Variants in TNFSF8 observed in about 807,000 individuals in gnomAD.
TNFSF8 encodes TNF superfamily member 8, also known as tumor necrosis factor ligand superfamily member 8.
Under a neutral mutation model 22.0 loss-of-function variants are expected in TNFSF8, and 4 were observed. The observed-to-expected ratio is 0.18, with a 90% CI of 0.09 to 0.42. TNFSF8 has a LOEUF of 0.42. TNFSF8 is among the 10% of genes least tolerant of loss of function. The pLI is 1.00. For missense variants in TNFSF8, 233 were observed against 281.8 expected, an observed-to-expected ratio of 0.83 and a Z score of 1.24; for synonymous variants, 106 against 112.5, an observed-to-expected ratio of 0.94 and a Z score of 0.37.
At chr9:114,917,957 CA>C in intron 2 of TNFSF8, 138 bp downstream of exon 2, 1 of 719,070 alleles carries the variant, frequency 1.4e-6, no homozygotes, top group Non-Finnish European at 2.2e-6. Flanking sequence ...CAGTCCTGAA[CA>C]GCCCTTGCCT....
Position 114,902,047 on chromosome 9 carries a change from C to T in TNFSF8, c.*1884G>A, listed in dbSNP as rs1454458889. 2.6e-5 allele frequency: 26 copies of T among 985,390 alleles called. No individual in the cohort carries two copies. Among genetic ancestry groups the T allele is most frequent in the Non-Finnish European group, 3.1e-5 (26 of 829,924 alleles). 61.0% of individuals were successfully genotyped at this position (985,390 alleles called of 1,614,324 possible). On this transcript the variant is annotated 3_prime_UTR_variant, in exon 4 of 4. Transcript: ENST00000223795. The stretch of plus-strand genomic sequence containing the variant: ...TCCATGTTTTGGTATAGCAGGGAAG[C>T]TTCCATCTTTTTTTACTGAAGCATA...
At chr9:114,916,001 G>A (rs561686593) in intron 2 of TNFSF8, among the ~76,000 whole-genome samples, 7 of 152,300 alleles carry the variant, frequency 4.6e-5, no homozygotes, top group Admixed American at 1.3e-4. Flanking sequence ...GTCCATGGTT[G>A]TGAAAAGTTT....
intron 2 of TNFSF8, among the ~76,000 whole-genome samples, chr9:114,913,028 C>T (rs1339902025): frequency 6.6e-6 from 1 of 152,194 alleles, no homozygotes; most frequent in East Asian, 1.9e-4. Context: ...GGACATCTGG[C>T]TTGTTCCCCT....
intron 1 of TNFSF8, among the ~76,000 whole-genome samples, chr9:114,923,478 T>TTCTC (rs376484064): frequency 1.8e-3 from 187 of 105,686 alleles, no homozygotes; most frequent in Non-Finnish European, 2.7e-3. Context: ...TTTTCTTTCT[T>TTCTC]TTTCTTTCTT....
chr9:114,896,088 C>T lies in TNFSF8; in HGVS notation c.410-1924G>A, dbSNP rs114764265. On this transcript the variant is annotated intron_variant, in intron 4 of 4. Coordinates refer to the TNFSF8 transcript ENST00000618336. ...AAGACCAAGCCAATTCATGAAAGTC[C>T]ACTTGGGGGAAACAGAGAAACATAA... 3.0e-3 allele frequency among the ~76,000 whole-genome samples: 453 copies of T among 152,288 alleles called. 3 individuals are homozygous for T. Among genetic ancestry groups the T allele is most frequent in the African/African-American group, 0.01 (425 of 41,536 alleles).
At chr9:114,923,627 C>T (rs1230272826) in intron 1 of TNFSF8, among the ~76,000 whole-genome samples, 2 of 151,422 alleles carry the variant, frequency 1.3e-5, no homozygotes, top group African/African-American at 4.9e-5. Flanking sequence ...AAGAGATTCT[C>T]CTGCCTCAGC....
At chr9:114,906,844 C>A (rs1192524476) in intron 2 of TNFSF8, among the ~76,000 whole-genome samples, 1 of 152,162 alleles carries the variant, frequency 6.6e-6, no homozygotes, top group Non-Finnish European at 1.5e-5. Context: ...TTGAATTCAA[C>A]TTATTCAGAG....
At chr9:114,893,945 G>A in exon 5 of TNFSF8, 1 of 692,962 alleles carries the variant, frequency 1.4e-6, no homozygotes, top group Non-Finnish European at 2.5e-6. Context: ...CTGTTTGTGG[G>A]GGGTGAACCG....
chr9:114,925,996 T>C (rs1489931569), intron 1 of TNFSF8, among the ~76,000 whole-genome samples: 1 of 152,242 alleles, frequency 6.6e-6, no homozygotes, highest in African/African-American at 2.4e-5. Context: ...AGAAGTTTTA[T>C]TTTTTCTTCT....
chr9:114,926,708 C>T (rs1009389021), intron 1 of TNFSF8, among the ~76,000 whole-genome samples: 3 of 151,810 alleles, frequency 2.0e-5, no homozygotes, highest in Non-Finnish European at 4.4e-5. Context: ...ATTATAATGA[C>T]CCATGGGTTT....
chr9:114,925,870 A>T (rs1023476322), intron 1 of TNFSF8, among the ~76,000 whole-genome samples: 11 of 152,110 alleles, frequency 7.2e-5, no homozygotes. Context: ...AGACGTCTCT[A>T]AGGTTGAGGG....
chr9:114,925,107 G>C (rs996059426), intron 1 of TNFSF8, among the ~76,000 whole-genome samples: 1 of 152,162 alleles, frequency 6.6e-6, no homozygotes, highest in South Asian at 2.1e-4. Context: ...AAGATGTGGG[G>C]TTTTATTGGG....
intron 1 of TNFSF8, among the ~76,000 whole-genome samples, chr9:114,923,832 T>G (rs575691159): frequency 6.6e-6 from 1 of 152,262 alleles, no homozygotes; most frequent in South Asian, 2.1e-4. Context: ...TACTTGTTAA[T>G]GAGAAAGAAA....
chr9:114,909,870 G>C (rs1319739198), intron 2 of TNFSF8, among the ~76,000 whole-genome samples: 3 of 152,210 alleles, frequency 2.0e-5, no homozygotes, highest in African/African-American at 7.2e-5. Flanking sequence ...TGCATAGTTT[G>C]GAGAAATGAA....
intron 1 of TNFSF8, among the ~76,000 whole-genome samples, chr9:114,923,905 C>CA (rs1315141671): frequency 2.6e-5 from 4 of 151,442 alleles, no homozygotes; most frequent in Non-Finnish European, 5.9e-5. Flanking sequence ...AACCTATAGT[C>CA]AAAAAAAATG....
chr9:114,918,962 CT>C (rs916427236), intron 1 of TNFSF8, among the ~76,000 whole-genome samples: 1 of 150,694 alleles, frequency 6.6e-6, no homozygotes, highest in South Asian at 2.1e-4. Flanking sequence ...GTGTTTTTTT[CT>C]TTTTTTTTCC....
chr9:114,917,997 A>G (rs1827941093), intron 2 of TNFSF8, 99 bp downstream of exon 2: 11 of 1,237,822 alleles, frequency 8.9e-6, no homozygotes, highest in Non-Finnish European at 1.2e-5. Flanking sequence ...CTGTTGGGTC[A>G]TGTCATAGAG....
chr9:114,929,959 A>C, intron 1 of TNFSF8, 150 bp downstream of exon 1: 1 of 274,738 alleles, frequency 3.6e-6, no homozygotes, highest in Non-Finnish European at 6.5e-6. Context: ...AGTATATACT[A>C]TAGTATATAT....
At chr9:114,912,905 T>C (rs972916867) in intron 2 of TNFSF8, among the ~76,000 whole-genome samples, 1 of 152,228 alleles carries the variant, frequency 6.6e-6, no homozygotes, top group Non-Finnish European at 1.5e-5. Context: ...GGAGGGTAGC[T>C]GCCACGCCTT....
Sources: gnomAD v4.1 joint callset for allele counts (sites outside exome capture counted in the v4.1 genomes callset) on GRCh38, gnomAD v4.1.1 for gene constraint, MANE v1.5 for transcripts, NCBI Gene and HGNC (gene_info 2026-07-23, HGNC 2026-07-21) for gene names.